DPP6: variants seen among roughly 807,000 people sequenced by gnomAD.
DPP6 encodes dipeptidyl peptidase like 6.
DPP6 carries 69 observed loss-of-function variants against 122.6 expected under a neutral mutation model. The observed-to-expected ratio is 0.56, with a 90% CI of 0.46 to 0.69. The LOEUF (loss-of-function observed/expected upper bound fraction) is 0.69, where lower values mean the gene tolerates loss of function less well. DPP6 is among the 30% of genes least tolerant of loss of function. The pLI, the probability that DPP6 is intolerant of heterozygous loss-of-function variation, is 0.00. For synonymous variants in DPP6, 418 were observed against 433.1 expected, an observed-to-expected ratio of 0.97 and a Z score of 0.43; for missense variants, 928 against 1,116.9, an observed-to-expected ratio of 0.83 and a Z score of 2.41.
intron 9 of DPP6, 38 bp from the exon 10 acceptor site, chr7:154,772,807 G>C (rs1796323158): frequency 2.5e-6 from 4 of 1,595,192 alleles, no homozygotes; most frequent in Middle Eastern, 1.6e-4. Context: ...CTTGTATAAG[G>C]CTGCTTGTTC....
intron 3 of DPP6, among the ~76,000 whole-genome samples, chr7:154,529,641 C>T (rs10952492): frequency 0.084 from 12,733 of 152,138 alleles, 550 homozygotes; most frequent in African/African-American, 0.097. Flanking sequence ...CTATCCTCAA[C>T]GAATTAACAT....
At chr7:154,449,865 A>G (rs956881547) in intron 2 of DPP6, among the ~76,000 whole-genome samples, 2 of 151,932 alleles carry the variant, frequency 1.3e-5, no homozygotes, top group Non-Finnish European at 2.9e-5. Flanking sequence ...AAAACTAGCC[A>G]GGAGTGGTAA....
chr7:154,380,710 G>A (rs750930095), intron 1 of DPP6, among the ~76,000 whole-genome samples: 12 of 152,142 alleles, frequency 7.9e-5, no homozygotes, highest in Non-Finnish European at 1.5e-4. Context: ...TGCTGGCAGG[G>A]AACACAGTCC....
intron 1 of DPP6, among the ~76,000 whole-genome samples, chr7:153,989,326 TGA>T (rs886726547): frequency 6.7e-5 from 10 of 148,476 alleles, no homozygotes; most frequent in East Asian, 2.0e-4. Context: ...AAGATTTGTG[TGA>T]GTGTGAGTGT....
At chr7:154,654,419 T>A (rs7797151) in intron 6 of DPP6, among the ~76,000 whole-genome samples, 1 of 89,170 alleles carries the variant, frequency 1.1e-5, no homozygotes, top group Non-Finnish European at 2.5e-5. Context: ...CTTTCTTTCT[T>A]TCTTTCTTTC....
In DPP6 at chr7:154,601,685, T is replaced by G. The variant is rs1305950070; in HGVS notation, c.627+34769T>G. On this transcript the variant is annotated intron_variant, in intron 5 of 25. Transcript: ENST00000377770. ...TTTCAGTGAGACAATCTCTATCTTTTAAAAAGAATATTTAGAGAACAGATT... is the reference window on the plus strand; with the variant it reads ...TTTCAGTGAGACAATCTCTATCTTTGAAAAAGAATATTTAGAGAACAGATT... Among the ~76,000 whole-genome samples the G allele has an allele frequency of 1.7e-5, 2 of 120,888 alleles. 1 individual carries two copies. The highest frequency in any genetic ancestry group is 3.7e-5 in the Non-Finnish European group (2 of 53,650). 79.3% of individuals were successfully genotyped at this position (120,888 alleles called of 152,430 possible).
chr7:154,244,369 C>T (rs1388391577), intron 1 of DPP6, among the ~76,000 whole-genome samples: 9 of 151,992 alleles, frequency 5.9e-5, no homozygotes, highest in Admixed American at 1.3e-4. Context: ...AGTCAGCAGA[C>T]CTATACTGCA....
At chr7:153,793,214 G>A in the DPP6 span, among the ~76,000 whole-genome samples, 1 of 151,952 alleles carries the variant, frequency 6.6e-6, no homozygotes, top group African/African-American at 2.4e-5. Flanking sequence ...AGGAAAATGT[G>A]GGAAAGTTTG....
chr7:154,022,912 T>C (rs1461433874), intron 1 of DPP6, among the ~76,000 whole-genome samples: 2 of 152,214 alleles, frequency 1.3e-5, no homozygotes, highest in Non-Finnish European at 2.9e-5. Flanking sequence ...CCAACTGGTT[T>C]GCATGTGGCT....
At chr7:154,192,433 G>A (rs1333813458) in intron 1 of DPP6, among the ~76,000 whole-genome samples, 1 of 152,234 alleles carries the variant, frequency 6.6e-6, no homozygotes, top group Admixed American at 6.5e-5. Flanking sequence ...CTTGGTTCCA[G>A]GTATTGCACC....
intron 1 of DPP6, among the ~76,000 whole-genome samples, chr7:154,190,529 T>C (rs2150764475): frequency 6.6e-6 from 1 of 152,314 alleles, no homozygotes; most frequent in East Asian, 1.9e-4. Flanking sequence ...CTTAAGTATA[T>C]GATTTAATTC....
At position 154,022,468 on chromosome 7, in the gene DPP6, A is replaced by G. The variant is rs1798749748; in HGVS notation, c.51+134734A>G. 2.6e-5 allele frequency among the ~76,000 whole-genome samples: 4 copies of G among 152,350 alleles called. No homozygotes were observed. In the Middle Eastern group the frequency reaches 0.01, roughly 389 times the overall value. The stretch of plus-strand genomic sequence containing the variant: ...GAGAATGTGAAAGATGTGAAGCATC[A>G]TGGGAAAGTAGAGGCCGGGAAAAAC... On this transcript the variant is annotated intron_variant, in intron 1 of 25. Coordinates refer to the DPP6 transcript ENST00000404039.
chr7:154,622,277 A>G (rs1304144314), intron 5 of DPP6, among the ~76,000 whole-genome samples: 1 of 152,154 alleles, frequency 6.6e-6, no homozygotes, highest in Non-Finnish European at 1.5e-5. Context: ...GCTCAAGAAG[A>G]TGTTACAGAG....
intron 16 of DPP6, among the ~76,000 whole-genome samples, chr7:154,849,652 T>G (rs1802218829): frequency 6.6e-6 from 1 of 152,222 alleles, no homozygotes; most frequent in Non-Finnish European, 1.5e-5. Flanking sequence ...TTTGGATGAC[T>G]TTTATCTCAT....
intron 1 of DPP6, chr7:154,305,131 G>C (rs1287517245): frequency 8.6e-6 from 5 of 583,844 alleles, no homozygotes; most frequent in Admixed American, 6.2e-5. Flanking sequence ...CGCCGGGCCG[G>C]GAGGCGGGCG....
At chr7:153,786,162 T>C in the DPP6 span, among the ~76,000 whole-genome samples, 7 of 152,272 alleles carry the variant, frequency 4.6e-5, no homozygotes, top group South Asian at 8.3e-4. Context: ...GATGGTTCTT[T>C]TGAGAGTTCT....
intron 3 of DPP6, among the ~76,000 whole-genome samples, chr7:154,492,911 G>A (rs1210732727): frequency 3.9e-5 from 6 of 152,182 alleles, no homozygotes; most frequent in African/African-American, 1.4e-4. Context: ...TGTTTTAAAC[G>A]AGTCCAGAAC....
chr7:153,920,133 C>T (rs1432147389), intron 1 of DPP6, among the ~76,000 whole-genome samples: 1 of 152,218 alleles, frequency 6.6e-6, no homozygotes, highest in Non-Finnish European at 1.5e-5. Context: ...TGACAGAAAA[C>T]TGTTCCATGC....
At chr7:154,701,189 C>T (rs1454548208) in intron 7 of DPP6, among the ~76,000 whole-genome samples, 1 of 152,120 alleles carries the variant, frequency 6.6e-6, no homozygotes, top group Non-Finnish European at 1.5e-5. Flanking sequence ...GTCGAGGAAC[C>T]AGCCAGAGCT....
Sources: allele counts gnomAD v4.1 joint callset (sites outside exome capture counted in the v4.1 genomes callset), GRCh38; gene constraint gnomAD v4.1.1; transcripts MANE v1.5; gene names NCBI Gene and HGNC (gene_info 2026-07-23, HGNC 2026-07-21).